ATP6V1B1: variants seen among roughly 807,000 people sequenced by gnomAD.
ATP6V1B1 encodes ATPase H+ transporting V1 subunit B1.
A neutral mutation model predicts 62.1 loss-of-function variants in ATP6V1B1; 41 were observed. The ratio of observed to expected loss-of-function variants is 0.66; its 90% CI spans 0.51 to 0.86. The LOEUF (loss-of-function observed/expected upper bound fraction) is 0.86. Among genes scored for constraint, ATP6V1B1 ranks in the 40% least tolerant of loss-of-function variants. The probability of loss-of-function intolerance (pLI) is 0.00; values close to 1 mark genes in which losing one functional copy is unlikely to be tolerated. For missense variants in ATP6V1B1, 651 were observed against 697.5 expected (o/e 0.93, Z 0.75); for synonymous variants, 253 against 273.4 (o/e 0.93, Z 0.74).
rs1680696897 is a variant in ATP6V1B1, at chr2:70,965,221, T to G, written c.*100T>G. 2 of 1,521,930 alleles carry G rather than the reference T, an allele frequency of 1.3e-6. No individual in the cohort carries two copies. Among genetic ancestry groups the G allele is most frequent in the African/African-American group, 1.4e-5 (1 of 72,886 alleles). The allele number at this position is 1,521,930 out of a possible 1,614,324, so 94.3% of individuals were successfully genotyped here. A position where few individuals can be genotyped will look rare whatever the true frequency, so the allele number is the denominator to read the frequency against. ...CCAACCAGCGGCTTCTGCGCCGCCCTCCGCCCTCCGCTGGCTCCGAGGTGG... is the reference window on the plus strand; with the variant it reads ...CCAACCAGCGGCTTCTGCGCCGCCCGCCGCCCTCCGCTGGCTCCGAGGTGG... On this transcript the variant is annotated 3_prime_UTR_variant, in exon 14 of 14. Coordinates refer to ENST00000234396, the MANE Select transcript of ATP6V1B1 (RefSeq NM_001692.4).
At chr2:70,936,150 T>C in intron 1 of ATP6V1B1, 78 bp downstream of exon 1, 1 of 1,461,860 alleles carries the variant, frequency 6.8e-7, no homozygotes. Flanking sequence ...GGGCCCCGCT[T>C]CTTGCCTCAG....
rs1471831539 is a variant in ATP6V1B1 at position 70,963,877 on chromosome 2, G to T, written c.1143+223G>T. Among the ~76,000 whole-genome samples the T allele has an allele frequency of 6.6e-6, 1 of 152,186 alleles. No individual in the cohort carries two copies. Among genetic ancestry groups the T allele is most frequent in the Non-Finnish European group, 1.5e-5 (1 of 68,040 alleles). On this transcript the variant is annotated intron_variant, in intron 11 of 13. Coordinates refer to ENST00000234396, the MANE Select transcript of ATP6V1B1 (RefSeq NM_001692.4). This position sits in a 1 kb window ranked among gnomAD's most constrained non-coding sequence, Gnocchi z 4.3. ...CTTGAGAAGATAATTTCATCTCTTG[G>T]ATCCTAGGTTTCCTCATCCATAAAA...
intron 2 of ATP6V1B1, among the ~76,000 whole-genome samples, chr2:70,956,438 T>C (rs1439386296): frequency 6.6e-6 from 1 of 152,222 alleles, no homozygotes; most frequent in East Asian, 1.9e-4. Context: ...GAATACATCA[T>C]ATTTTGTTTA....
chr2:70,963,461 T>C lies in ATP6V1B1; in HGVS notation c.1061-111T>C. 1 of 1,523,874 alleles carries C rather than the reference T, an allele frequency of 6.6e-7. No homozygotes were observed. The highest frequency in any genetic ancestry group is 9.1e-7 in the Non-Finnish European group (1 of 1,103,214). 94.4% of individuals were successfully genotyped at this position (1,523,874 alleles called of 1,614,324 possible). A position where few individuals can be genotyped will look rare whatever the true frequency, so the allele number is the denominator to read the frequency against. ...ACACTGCCCTTTCCTCCACCATCCA[T>C]GCCCCCCACACATCCCTATCACTCC... On this transcript the variant is annotated intron_variant, in intron 10 of 13. Coordinates refer to ENST00000234396, the MANE Select transcript of ATP6V1B1 (RefSeq NM_001692.4). This position sits in a 1 kb window ranked among gnomAD's most constrained non-coding sequence, Gnocchi z 4.3.
intron 2 of ATP6V1B1, among the ~76,000 whole-genome samples, chr2:70,951,813 C>T (rs781834570): frequency 2.0e-5 from 3 of 151,880 alleles, no homozygotes; most frequent in African/African-American, 7.3e-5. Flanking sequence ...GTAGGAGAAT[C>T]GCTTGAACCC....
Position 70,964,555 on chromosome 2 carries a change from G to A in ATP6V1B1, c.1248+13G>A. 6.2e-7 allele frequency: 1 copy of A among 1,613,438 alleles called. No individual in the cohort carries two copies. The highest frequency in any genetic ancestry group is 8.5e-7 in the Non-Finnish European group (1 of 1,179,362). ...CTCCAACCAGCTGGTAAGGAGAAGA[G>A]GGTCCGGGGGCTGGTAGGTCCTCTA... On this transcript the variant is annotated intron_variant, in intron 12 of 13. Coordinates refer to ENST00000234396, the MANE Select transcript of ATP6V1B1 (RefSeq NM_001692.4).
chr2:70,964,112 G>GTGTTTT, intron 11 of ATP6V1B1: 1 of 156,558 alleles, frequency 6.4e-6, no homozygotes, highest in Admixed American at 1.3e-4. Flanking sequence ...TGCTTGGCAG[G>GTGTTTT]TATTTTTTTT....
intron 2 of ATP6V1B1, among the ~76,000 whole-genome samples, chr2:70,945,312 C>T (rs782100922): frequency 6.6e-6 from 1 of 152,008 alleles, no homozygotes; most frequent in Non-Finnish European, 1.5e-5. Context: ...CTAATTCTAC[C>T]GTGGTTTGTT....
At position 70,958,370 on chromosome 2, in the gene ATP6V1B1, C is replaced by A. The variant is rs782387976; in HGVS notation, c.311C>A (p.Thr104Asn). ...ACATCAGGGATCGATGCCAGGAAGACCACTTGCGAATTTACAGGGGACATC... is the reference window on the plus strand; with the variant it reads ...ACATCAGGGATCGATGCCAGGAAGAACACTTGCGAATTTACAGGGGACATC... Reference protein sequence around the residue: ...EGTSGIDARKTTCEFTGDILR... With the variant: ...EGTSGIDARKNTCEFTGDILR... Residue 104 changes from threonine to asparagine, a missense_variant, in exon 4 of 14, where the codon ACC (threonine) becomes AAC (asparagine). By Grantham distance (65) the Thr-to-Asn change is moderately conservative. Coordinates refer to ENST00000234396, the MANE Select transcript of ATP6V1B1 (RefSeq NM_001692.4). 6.2e-6 allele frequency: 10 copies of A among 1,614,128 alleles called. No individual in the cohort carries two copies. In the South Asian group the frequency reaches 9.9e-5, roughly 16 times the overall value.
intron 8 of ATP6V1B1, 128 bp from the exon 9 acceptor site, chr2:70,962,649 C>A: frequency 6.8e-7 from 1 of 1,468,358 alleles, no homozygotes; most frequent in South Asian, 1.2e-5. Flanking sequence ...GGCAAGGGCT[C>A]ATCTTATCCA....
intron 7 of ATP6V1B1, among the ~76,000 whole-genome samples, 194 bp from the exon 8 acceptor site, chr2:70,961,402 C>T (rs994727810): frequency 1.3e-5 from 2 of 152,136 alleles, no homozygotes; most frequent in Non-Finnish European, 2.9e-5. Flanking sequence ...CTGACAAGGC[C>T]CTATGAGGAC....
At position 70,965,235 on chromosome 2, in the gene ATP6V1B1, G is replaced by C; in HGVS notation, c.*114G>C. On this transcript the variant is annotated 3_prime_UTR_variant, in exon 14 of 14. Coordinates refer to ENST00000234396, the MANE Select transcript of ATP6V1B1 (RefSeq NM_001692.4). ...CTGCGCCGCCCTCCGCCCTCCGCTG[G>C]CTCCGAGGTGGTGGGGGCGCCGCAC... 6.8e-7 allele frequency: 1 copy of C among 1,465,836 alleles called. No homozygotes were observed. 90.8% of individuals were successfully genotyped at this position (1,465,836 alleles called of 1,614,324 possible). A position where few individuals can be genotyped will look rare whatever the true frequency, so the allele number is the denominator to read the frequency against.
At chr2:70,945,742 A>ATATATATATG (rs3982997) in intron 2 of ATP6V1B1, among the ~76,000 whole-genome samples, 1 of 126,514 alleles carries the variant, frequency 7.9e-6, no homozygotes, top group African/African-American at 3.0e-5. Context: ...ATATATATAT[A>ATATATATATG]GTTGTTAACT....
intron 2 of ATP6V1B1, among the ~76,000 whole-genome samples, chr2:70,954,033 T>C (rs1680378661): frequency 6.6e-6 from 1 of 152,218 alleles, no homozygotes; most frequent in Non-Finnish European, 1.5e-5. Flanking sequence ...TCTTAATCTG[T>C]GTTGCCAGCA....
chr2:70,962,025 T>C (rs1253026069), intron 8 of ATP6V1B1, among the ~76,000 whole-genome samples: 7 of 152,176 alleles, frequency 4.6e-5, no homozygotes, highest in Admixed American at 3.3e-4. Context: ...ATTATAAAAG[T>C]GTAGAAAATG....
intron 1 of ATP6V1B1, chr2:70,942,238 C>T: frequency 7.4e-6 from 3 of 405,926 alleles, no homozygotes; most frequent in Middle Eastern, 6.2e-4. Flanking sequence ...CAGGTGCAGG[C>T]CAGGCAGGTC....
intron 4 of ATP6V1B1, 72 bp downstream of exon 4, chr2:70,958,498 T>G: frequency 1.4e-6 from 2 of 1,387,654 alleles, no homozygotes; most frequent in Non-Finnish European, 2.0e-6. Flanking sequence ...GACCAAACCC[T>G]CAGCACACTA....
chr2:70,948,515 G>A (rs11126312), intron 2 of ATP6V1B1: 30,887 of 154,732 alleles, frequency 0.2, 3,188 homozygotes, highest in Admixed American at 0.26. Flanking sequence ...AAATAATGAG[G>A]CAGGGCCCGT....
rs1553419944 is a variant in ATP6V1B1, at chr2:70,960,946, C to T, written c.611C>T (p.Ala204Val). Residue 204 changes from alanine to valine, a missense_variant, in exon 7 of 14, where the codon GCG (alanine) becomes GTG (valine). Physicochemically the swap from Ala to Val is moderately conservative, Grantham distance 64 (BLOSUM62 0). Coordinates refer to ENST00000234396, the MANE Select transcript of ATP6V1B1 (RefSeq NM_001692.4). ...ATTGCCGCTCAGATCTGCCGCCAGG[C>T]GGGGCTGGTGAAGAAGTCCAAGGCT... is the stretch of plus-strand genomic sequence containing the variant. ...NEIAAQICRQ[A>V]GLVKKSKAVL... is the part of the protein sequence containing the mutation. 2 of 1,609,402 alleles carry T rather than the reference C, an allele frequency of 1.2e-6. No individual in the cohort carries two copies. The highest frequency in any genetic ancestry group is 1.7e-5 in the Admixed American group (1 of 59,468).
Sources: gnomAD v4.1 joint callset for allele counts (sites outside exome capture counted in the v4.1 genomes callset) on GRCh38, gnomAD v4.1.1 for gene constraint, Gnocchi (gnomAD v3.1) non-coding constraint, MANE v1.5 for transcripts, NCBI Gene and HGNC (gene_info 2026-07-23, HGNC 2026-07-21) for gene names.